The following TESPA1 variants were observed in gnomAD, a reference collection of about 807,000 sequenced individuals.
The protein encoded by TESPA1 is protein TESPA1.
Under a neutral mutation model 57.9 loss-of-function variants are expected in TESPA1, and 33 were observed. That is an observed-to-expected ratio of 0.57 (90% CI 0.43 to 0.76). The LOEUF is 0.76. Among genes scored for constraint, TESPA1 ranks in the 30% least tolerant of loss-of-function variants. TESPA1 has a pLI of 0.00. For synonymous variants in TESPA1, 227 were observed against 228.9 expected (o/e 0.99, Z 0.07); for missense variants, 618 against 632.9 (o/e 0.98, Z 0.25).
At chr12:54,982,302 A>G (rs1375584513) in intron 1 of TESPA1, among the ~76,000 whole-genome samples, 2 of 152,312 alleles carry the variant, frequency 1.3e-5, no homozygotes, top group African/African-American at 4.8e-5. Context: ...TGAGACTTCT[A>G]TTGTCTAAGG....
At chr12:54,953,544 G>C (rs1950534074) in intron 10 of TESPA1, among the ~76,000 whole-genome samples, 1 of 100,878 alleles carries the variant, frequency 9.9e-6, no homozygotes, top group Non-Finnish European at 1.7e-5. Context: ...TTGAGACGGA[G>C]TCTCGCTCTG....
rs1565868683 is a variant in TESPA1, at chr12:54,973,460, G to A, written c.206+17C>T. ...ACCATCAGCCACATACCACCCCATT[G>A]CCTGTCCAGCACTTACCCGCAATCC... On this transcript the variant is annotated intron_variant, in intron 3 of 10. Transcript: ENST00000449076. The A allele has an allele frequency of 6.2e-7, 1 of 1,613,800 alleles. No individual in the cohort carries two copies. Among genetic ancestry groups the A allele is most frequent in the East Asian group, 2.2e-5 (1 of 44,882 alleles).
chr12:54,959,858 G>A (rs999669372), intron 10 of TESPA1, among the ~76,000 whole-genome samples: 3 of 152,162 alleles, frequency 2.0e-5, no homozygotes, highest in Admixed American at 6.5e-5. Context: ...AAGTGCATAT[G>A]ACATATTGAT....
At chr12:54,982,579 GAA>G (rs553158498) in intron 1 of TESPA1, among the ~76,000 whole-genome samples, 1 of 151,902 alleles carries the variant, frequency 6.6e-6, no homozygotes, top group African/African-American at 2.4e-5. Context: ...TGTGGATTTG[GAA>G]AAAAAATTAA....
At chr12:54,969,749 T>G (rs965758019) in intron 3 of TESPA1, among the ~76,000 whole-genome samples, 2 of 152,094 alleles carry the variant, frequency 1.3e-5, no homozygotes, top group Non-Finnish European at 2.9e-5. Flanking sequence ...TTCTATAAAG[T>G]TCAAAATAAT....
At chr12:54,975,401 T>C (rs1425643617) in intron 1 of TESPA1, among the ~76,000 whole-genome samples, 3 of 152,178 alleles carry the variant, frequency 2.0e-5, no homozygotes, top group Non-Finnish European at 4.4e-5. Context: ...CAAATATTGA[T>C]GTATTTTTCC....
chr12:54,974,392 T>C lies in TESPA1; in HGVS notation c.163+8A>G. On this transcript the variant is annotated splice_region_variant and intron_variant, in intron 2 of 10. Transcript: ENST00000449076. ...AACATAGACGCCTGTCTGATGTTCG[T>C]CTCTTACCTTCTTGGAAAACGTCAT... is the stretch of plus-strand genomic sequence containing the variant. 6.3e-7 allele frequency: 1 copy of C among 1,595,094 alleles called. No individual in the cohort carries two copies. The highest frequency in any genetic ancestry group is 8.5e-7 in the Non-Finnish European group (1 of 1,170,822).
rs1951181332 is a variant in TESPA1 at position 54,962,946 on chromosome 12, C to T, written c.952G>A (p.Glu318Lys). The stretch of plus-strand genomic sequence containing the variant: ...TCTTCTTTCACTTTGTCCATCACTT[C>T]CAACACAACTTGGTCCAAACTGTTC... ...KRNSLDQVVL[E>K]VMDKVKEEKQ... The change falls in exon 9 of 11, where the codon GAA becomes AAA. Residue 318 changes from glutamate (E) to lysine (K), a missense_variant. By Grantham distance (56) the Glu-to-Lys change is moderately conservative. Transcript: ENST00000449076. 1 of 1,613,598 alleles carries T rather than the reference C, an allele frequency of 6.2e-7. No homozygotes were observed. The highest frequency in any genetic ancestry group is 1.3e-5 in the African/African-American group (1 of 74,832).
intron 9 of TESPA1, 43 bp from the exon 10 acceptor site, chr12:54,961,310 A>G: frequency 6.2e-7 from 1 of 1,610,550 alleles, no homozygotes. Context: ...GCCAAGGGGG[A>G]AAGGGGGTAA....
Position 54,981,414 on chromosome 12 carries a change from C to A in TESPA1, c.-46+3171G>T, listed in dbSNP as rs563047909. Among the ~76,000 whole-genome samples the A allele has an allele frequency of 2.3e-3, 247 of 108,680 alleles. 2 individuals carry two copies. The highest frequency in any genetic ancestry group is 9.0e-3 in the African/African-American group (241 of 26,724). The allele number at this position is 108,680 out of a possible 152,430, so 71.3% of individuals were successfully genotyped here. A position where few individuals can be genotyped will look rare whatever the true frequency, so the allele number is the denominator to read the frequency against. Reference sequence around the variant, plus strand: ...AATGAAAAGTCTTTCTTTCCTGGGGCCTGTCCTAGGGTGGGGGGAGGGGGG... The same window carrying A: ...AATGAAAAGTCTTTCTTTCCTGGGGACTGTCCTAGGGTGGGGGGAGGGGGG... On this transcript the variant is annotated intron_variant, in intron 1 of 10. Coordinates refer to ENST00000449076, the MANE Select transcript of TESPA1 (RefSeq NM_001136030.3).
chr12:54,956,088 A>T (rs924644948), intron 10 of TESPA1, among the ~76,000 whole-genome samples: 17 of 152,338 alleles, frequency 1.1e-4, no homozygotes, highest in African/African-American at 4.1e-4. Flanking sequence ...ATATATTGTT[A>T]TTGGTAATAT....
chr12:54,967,017 C>T (rs1392719557), intron 5 of TESPA1, among the ~76,000 whole-genome samples, 166 bp downstream of exon 5: 1 of 152,060 alleles, frequency 6.6e-6, no homozygotes, highest in Non-Finnish European at 1.5e-5. Flanking sequence ...GCATGTGATG[C>T]CTTCTGCATT....
rs192345089 is a variant in TESPA1 at position 54,965,239 on chromosome 12, T to C, written c.446+814A>G. On this transcript the variant is annotated intron_variant, in intron 7 of 10. Transcript: ENST00000449076. ...TACATGTGCAGGAAGTGCAGGTTTG[T>C]TACATAGGTAAACGTGTGCTAGGGT... Among the ~76,000 whole-genome samples the C allele has an allele frequency of 1.4e-4, 21 of 152,298 alleles. No individual in the cohort carries two copies. The East Asian group carries it at 3.9e-3, about 28-fold the overall frequency.
intron 9 of TESPA1, 87 bp downstream of exon 9, chr12:54,962,344 T>C (rs1951129422): frequency 1.4e-6 from 2 of 1,430,574 alleles, no homozygotes; most frequent in African/African-American, 1.4e-5. Context: ...GGATTATTTT[T>C]CCCCCAAGGG....
chr12:54,957,199 A>T (rs905852015), intron 10 of TESPA1, among the ~76,000 whole-genome samples: 6 of 152,114 alleles, frequency 3.9e-5, no homozygotes, highest in African/African-American at 1.4e-4. Flanking sequence ...TCTAATTCCC[A>T]TTTGCCTACT....
chr12:54,954,428 G>T (rs1030323644), intron 10 of TESPA1, among the ~76,000 whole-genome samples: 1 of 151,906 alleles, frequency 6.6e-6, no homozygotes. Context: ...TCTTTCTTTG[G>T]CTGTGGAAGG....
chr12:54,953,713 G>A (rs529981677), intron 10 of TESPA1, among the ~76,000 whole-genome samples: 2 of 151,986 alleles, frequency 1.3e-5, no homozygotes, highest in Admixed American at 6.5e-5. Context: ...GTAGAGACGG[G>A]GTTTCACCGT....
intron 1 of TESPA1, among the ~76,000 whole-genome samples, chr12:54,977,537 C>G (rs1490134520): frequency 6.6e-6 from 1 of 152,158 alleles, no homozygotes; most frequent in Non-Finnish European, 1.5e-5. Flanking sequence ...GTCCTATGTA[C>G]AGAAGTTTTA....
intron 1 of TESPA1, among the ~76,000 whole-genome samples, chr12:54,978,455 A>G (rs11171205): frequency 0.34 from 52,291 of 152,060 alleles, 11,433 homozygotes; most frequent in East Asian, 0.89. Flanking sequence ...GCATAGGAAT[A>G]GTACCCATAA....
Sources: allele counts gnomAD v4.1 joint callset (sites outside exome capture counted in the v4.1 genomes callset), GRCh38; gene constraint gnomAD v4.1.1; transcripts MANE v1.5; gene names NCBI Gene and HGNC (gene_info 2026-07-23, HGNC 2026-07-21).